The following KHDRBS2 variants were observed in gnomAD, a reference collection of about 807,000 sequenced individuals.
KHDRBS2 encodes the protein KH domain-containing, RNA-binding, signal transduction-associated protein 2.
A neutral mutation model predicts 44.3 loss-of-function variants in KHDRBS2; 26 were observed. That is an observed-to-expected ratio of 0.59 (90% CI 0.43 to 0.81). The LOEUF (loss-of-function observed/expected upper bound fraction) is 0.81, where lower values mean the gene tolerates loss of function less well. Among genes scored for constraint, KHDRBS2 ranks in the 40% least tolerant of loss-of-function variants. The pLI is 0.00. For missense variants in KHDRBS2, 476 were observed against 433.1 expected, an observed-to-expected ratio of 1.10 and a Z score of -0.88; for synonymous variants, 194 against 151.1, an observed-to-expected ratio of 1.28 and a Z score of -2.08.
chr6:61,882,291 T>TC (rs1800316451), intron 6 of KHDRBS2, among the ~76,000 whole-genome samples: 1 of 152,002 alleles, frequency 6.6e-6, no homozygotes, highest in Non-Finnish European at 1.5e-5. Context: ...TCCGTACCTC[T>TC]CCAACTCTGT....
the KHDRBS2 span, among the ~76,000 whole-genome samples, chr6:61,614,969 C>T: frequency 6.6e-6 from 1 of 152,080 alleles, no homozygotes; most frequent in East Asian, 1.9e-4. Flanking sequence ...CATGGTGGCT[C>T]ATGCCTGTAA....
At chr6:61,642,451 T>C in the KHDRBS2 span, among the ~76,000 whole-genome samples, 88,144 of 148,160 alleles carry the variant, frequency 0.59, 26,311 homozygotes, top group African/African-American at 0.61. Flanking sequence ...AGCCCAGGAG[T>C]TCAAGACAAG....
the KHDRBS2 span, among the ~76,000 whole-genome samples, chr6:61,579,884 C>T: frequency 8.0e-6 from 1 of 124,664 alleles, no homozygotes; most frequent in Admixed American, 8.2e-5. Flanking sequence ...ATGGAGAAAC[C>T]CCGTCTCTAC....
intron 6 of KHDRBS2, among the ~76,000 whole-genome samples, chr6:61,801,556 T>C (rs1171622734): frequency 1.3e-5 from 2 of 152,154 alleles, no homozygotes; most frequent in African/African-American, 2.4e-5. Context: ...AATAGCTCAT[T>C]TGTCTTATTC....
intron 1 of KHDRBS2, among the ~76,000 whole-genome samples, chr6:62,284,830 T>C (rs1842259789): frequency 6.6e-6 from 1 of 152,176 alleles, no homozygotes; most frequent in African/African-American, 2.4e-5. Context: ...TTGGTACAAC[T>C]AAGTCTCAAA....
At chr6:62,012,652 C>T (rs1753573328) in intron 3 of KHDRBS2, among the ~76,000 whole-genome samples, 1 of 152,164 alleles carries the variant, frequency 6.6e-6, no homozygotes, top group African/African-American at 2.4e-5. Context: ...TGCATTCACT[C>T]TTCCCACCAC....
intron 5 of KHDRBS2, among the ~76,000 whole-genome samples, chr6:61,898,787 A>T (rs1396302206): frequency 6.6e-6 from 1 of 151,984 alleles, no homozygotes. Flanking sequence ...CACAAGGTCA[A>T]CACATATACC....
the KHDRBS2 span, among the ~76,000 whole-genome samples, chr6:61,561,242 G>A: frequency 6.6e-6 from 1 of 151,932 alleles, no homozygotes; most frequent in Non-Finnish European, 1.5e-5. Context: ...TCTCTCCTGA[G>A]CTGCCTGAAA....
chr6:61,571,468 A>G, the KHDRBS2 span, among the ~76,000 whole-genome samples: 3 of 152,102 alleles, frequency 2.0e-5, no homozygotes, highest in African/African-American at 7.2e-5. Context: ...ATGCAATAAT[A>G]ACAAGGGACT....
At chr6:61,859,330 TA>T (rs1208448177) in intron 6 of KHDRBS2, among the ~76,000 whole-genome samples, 1 of 151,670 alleles carries the variant, frequency 6.6e-6, no homozygotes, top group African/African-American at 2.4e-5. Flanking sequence ...ACAAGAAAGG[TA>T]AAAATCATGT....
chr6:61,995,538 A>G (rs912137726), intron 3 of KHDRBS2, among the ~76,000 whole-genome samples: 1 of 152,118 alleles, frequency 6.6e-6, no homozygotes, highest in Non-Finnish European at 1.5e-5. Flanking sequence ...CCAGGGTTAT[A>G]ACACTGTTTT....
chr6:61,893,109 A>G (rs999948062), intron 6 of KHDRBS2, among the ~76,000 whole-genome samples: 19 of 152,372 alleles, frequency 1.2e-4, no homozygotes, highest in African/African-American at 4.1e-4. Flanking sequence ...GACACTTCTC[A>G]AAAGAAGACA....
At chr6:61,893,499 C>A (rs12664163) in intron 6 of KHDRBS2, among the ~76,000 whole-genome samples, 2 of 152,004 alleles carry the variant, frequency 1.3e-5, no homozygotes, top group East Asian at 1.9e-4. Flanking sequence ...GGAACCAACC[C>A]AAATGTCCAA....
intron 8 of KHDRBS2, among the ~76,000 whole-genome samples, chr6:61,696,159 T>G (rs902264282): frequency 6.6e-6 from 1 of 152,078 alleles, no homozygotes; most frequent in African/African-American, 2.4e-5. Context: ...TGGTATTATT[T>G]TAATAAAAAT....
At chr6:62,204,934 G>GT (rs1827689704) in intron 1 of KHDRBS2, among the ~76,000 whole-genome samples, 2 of 152,134 alleles carry the variant, frequency 1.3e-5, no homozygotes, top group African/African-American at 4.8e-5. Flanking sequence ...AGGGTCAACA[G>GT]TATGTAGGAA....
intron 2 of KHDRBS2, among the ~76,000 whole-genome samples, chr6:62,072,694 C>T (rs191188905): frequency 5.5e-4 from 84 of 152,246 alleles, no homozygotes; most frequent in African/African-American, 1.9e-3. Context: ...ATGAAGTCCA[C>T]TTGATCATGG....
chr6:61,582,315 G>T, the KHDRBS2 span, among the ~76,000 whole-genome samples: 1 of 151,448 alleles, frequency 6.6e-6, no homozygotes, highest in Non-Finnish European at 1.5e-5. Flanking sequence ...AAAAAGCCTA[G>T]CAGGCCCATA....
chr6:62,040,293 C>T lies in KHDRBS2; in HGVS notation c.336+7585G>A, dbSNP rs556329061. Among the ~76,000 whole-genome samples, 38 of 151,964 alleles carry T rather than the reference C, an allele frequency of 2.5e-4. No homozygotes were observed. The East Asian group carries it at 6.4e-3, about 26-fold the overall frequency. ...CACCCGTCTAGAAATGATCAATCTGCGCTTATCGCCATTAGAAGGCAGCAG... is the reference window on the plus strand; with the variant it reads ...CACCCGTCTAGAAATGATCAATCTGTGCTTATCGCCATTAGAAGGCAGCAG... On this transcript the variant is annotated intron_variant, in intron 3 of 8. Transcript: ENST00000281156.
intron 2 of KHDRBS2, among the ~76,000 whole-genome samples, chr6:62,060,339 C>T (rs4421181): frequency 0.025 from 3,734 of 151,506 alleles, 165 homozygotes; most frequent in African/African-American, 0.084. Flanking sequence ...TTACATTTAA[C>T]GCTGACTTTA....
Sources: gnomAD v4.1 joint callset for allele counts (sites outside exome capture counted in the v4.1 genomes callset) on GRCh38, gnomAD v4.1.1 for gene constraint, MANE v1.5 for transcripts, NCBI Gene and HGNC (gene_info 2026-07-23, HGNC 2026-07-21) for gene names.